Variants in OR4A5 observed in about 807,000 individuals in gnomAD.
OR4A5 encodes olfactory receptor family 4 subfamily A member 5.
For synonymous variants in OR4A5, 245 were observed against 138.5 expected (o/e 1.77, Z -5.40); for missense variants, 684 against 381.6 (o/e 1.79, Z -6.60).
In OR4A5 at chr11:54,707,211, G is replaced by A. The variant is rs756183026; in HGVS notation, c.327G>A (p.Glu109=). 3 of 1,613,646 alleles carry A rather than the reference G, an allele frequency of 1.9e-6. No homozygotes were observed. The highest frequency in any genetic ancestry group is 1.7e-5 in the Admixed American group (1 of 59,908). ...LFIDHFFGGA[E]VFLLVVMACD... is the part of the protein sequence containing the mutation. ...TAGACCATTTCTTTGGTGGGGCTGA[G>A]GTCTTCCTTCTGGTGGTGATGGCCT... Residue 109 remains glutamate, a synonymous_variant, in exon 1 of 1, where the codon GAG becomes GAA. Coordinates refer to ENST00000319760, the MANE Select transcript of OR4A5 (RefSeq NM_001005272.3).
In OR4A5 at chr11:54,707,669, T is replaced by C. The variant is rs1854063579; in HGVS notation, c.785T>C (p.Phe262Ser). 9.3e-6 allele frequency: 15 copies of C among 1,611,964 alleles called. No individual in the cohort carries two copies. The highest frequency in any genetic ancestry group is 1.3e-5 in the Non-Finnish European group (15 of 1,178,864). The change falls in exon 1 of 1, where the codon TTT becomes TCT. Residue 262 changes from phenylalanine to serine, a missense_variant. Physicochemically the swap from Phe to Ser is radical, Grantham distance 155. Transcript: ENST00000319760. ...ATATATGTTAGACCTGTTTCAAACTTTCCTACTGATAAGTTCATGACTGTG... is the reference window on the plus strand; with the variant it reads ...ATATATGTTAGACCTGTTTCAAACTCTCCTACTGATAAGTTCATGACTGTG... ...IFIYVRPVSN[F>S]PTDKFMTVFY... is the part of the protein sequence containing the mutation.
chr11:54,707,349 G>A lies in OR4A5; in HGVS notation c.465G>A (p.Ala155=), dbSNP rs140587389. 1.6e-4 allele frequency: 251 copies of A among 1,613,620 alleles called. No homozygotes were observed. Among genetic ancestry groups the A allele is most frequent in the East Asian group, 9.2e-4 (41 of 44,744 alleles). ...TGATTGGAGGTTTTGTACATTCTGC[G>A]TTTCAAATTGTTGTGTACAGTCTCC... ...VAMIGGFVHS[A]FQIVVYSLPF... Residue 155 remains alanine, a synonymous_variant, in exon 1 of 1, where the codon GCG becomes GCA. Transcript: ENST00000319760.
chr11:54,707,169 C>T lies in OR4A5; in HGVS notation c.285C>T (p.Cys95=), dbSNP rs745531239. ...CDKKTISFQG[C]MGQLFIDHFF... is the part of the protein sequence containing the mutation. Reference sequence around the variant, plus strand: ...AAAAGACTATTTCCTTCCAAGGTTGCATGGGCCAGCTATTTATAGACCATT... The same window carrying T: ...AAAAGACTATTTCCTTCCAAGGTTGTATGGGCCAGCTATTTATAGACCATT... The change falls in exon 1 of 1, where the codon TGC becomes TGT. Residue 95 remains cysteine, a synonymous_variant. Coordinates refer to ENST00000319760, the MANE Select transcript of OR4A5 (RefSeq NM_001005272.3). The T allele has an allele frequency of 1.5e-5, 25 of 1,613,634 alleles. No homozygotes were observed. The South Asian group carries it at 2.7e-4, about 18-fold the overall frequency.
chr11:54,707,127 A>C lies in OR4A5; in HGVS notation c.243A>C (p.Val81=), dbSNP rs139079450. 1 of 1,613,584 alleles carries C rather than the reference A, an allele frequency of 6.2e-7. No homozygotes were observed. Among genetic ancestry groups the C allele is most frequent in the African/African-American group, 1.3e-5 (1 of 74,892 alleles). The part of the protein sequence containing the change: ...YSTTISPKLI[V]GLFCDKKTIS... ...CTACCATTTCTCCCAAGTTAATTGTAGGCTTATTCTGTGATAAAAAGACTA... is the reference window on the plus strand; with the variant it reads ...CTACCATTTCTCCCAAGTTAATTGTCGGCTTATTCTGTGATAAAAAGACTA... Residue 81 remains valine, a synonymous_variant, in exon 1 of 1, where the codon GTA becomes GTC. Transcript: ENST00000319760.
Position 54,707,361 on chromosome 11 carries a change from T to C in OR4A5, c.477T>C (p.Val159=), listed in dbSNP as rs752780280. ...TTGTACATTCTGCGTTTCAAATTGT[T>C]GTGTACAGTCTCCCTTTCTGTGGTC... ...GGFVHSAFQI[V]VYSLPFCGPN... The change falls in exon 1 of 1, where the codon GTT becomes GTC. Residue 159 remains valine (V), a synonymous_variant. Transcript: ENST00000319760. The C allele has an allele frequency of 6.2e-7, 1 of 1,613,698 alleles. No individual in the cohort carries two copies. The highest frequency in any genetic ancestry group is 8.5e-7 in the Non-Finnish European group (1 of 1,179,882).
Position 54,706,836 on chromosome 11 carries a change from C to T in OR4A5, c.-49C>T, listed in dbSNP as rs1414542192. 1.7e-6 allele frequency: 2 copies of T among 1,184,824 alleles called. No homozygotes were observed. The highest frequency in any genetic ancestry group is 1.5e-5 in the African/African-American group (1 of 64,858). 73.4% of individuals were successfully genotyped at this position (1,184,824 alleles called of 1,614,324 possible). A position where few individuals can be genotyped will look rare whatever the true frequency, so the allele number is the denominator to read the frequency against. ...TCCTGATCACTATTTCGTTACAGGC[C>T]CTGTTTCCCTGAGCTCTCACCTCTG... is the stretch of plus-strand genomic sequence containing the variant. On this transcript the variant is annotated 5_prime_UTR_variant, in exon 1 of 1. Coordinates refer to ENST00000319760, the MANE Select transcript of OR4A5 (RefSeq NM_001005272.3).
Position 54,707,590 on chromosome 11 carries a change from A to G in OR4A5, c.706A>G (p.Thr236Ala). 1.2e-6 allele frequency: 2 copies of G among 1,613,324 alleles called. No individual in the cohort carries two copies. The highest frequency in any genetic ancestry group is 8.5e-7 in the Non-Finnish European group (1 of 1,179,612). ...SQEKRGKALSTCSSGSTVVVL... is the reference protein window; with the variant it reads ...SQEKRGKALSACSSGSTVVVL... ...GGAAAAGAGGGGTAAAGCCTTGTCT[A>G]CCTGCAGCTCCGGCAGTACCGTTGT... Residue 236 changes from threonine (T) to alanine (A), a missense_variant, in exon 1 of 1, where the codon ACC becomes GCC. By Grantham distance (58) the Thr-to-Ala change is moderately conservative. Transcript: ENST00000319760.
At position 54,707,052 on chromosome 11, in the gene OR4A5, A is replaced by G. The variant is rs374547245; in HGVS notation, c.168A>G (p.Pro56=). ...DIIASPSLGS[P]MYFFLACLSF... ...TTGCCAGCCCTTCCTTGGGTTCCCC[A>G]ATGTATTTCTTCCTTGCCTGCCTGT... is the stretch of plus-strand genomic sequence containing the variant. The change falls in exon 1 of 1, where the codon CCA becomes CCG. Residue 56 remains proline, a synonymous_variant. Coordinates refer to ENST00000319760, the MANE Select transcript of OR4A5 (RefSeq NM_001005272.3). 3.5e-5 allele frequency: 57 copies of G among 1,613,552 alleles called. No homozygotes were observed. Among genetic ancestry groups the G allele is most frequent in the East Asian group, 6.7e-5 (3 of 44,766 alleles).
chr11:54,707,171 T>A lies in OR4A5; in HGVS notation c.287T>A (p.Met96Lys), dbSNP rs753245822. Residue 96 changes from methionine (M) to lysine (K), a missense_variant, in exon 1 of 1, where the codon ATG (methionine) becomes AAG (lysine). Met to Lys is a moderately conservative substitution (Grantham distance 95). Transcript: ENST00000319760. ...AAGACTATTTCCTTCCAAGGTTGCA[T>A]GGGCCAGCTATTTATAGACCATTTC... ...DKKTISFQGC[M>K]GQLFIDHFFG... 6.8e-6 allele frequency: 11 copies of A among 1,613,672 alleles called. No individual in the cohort carries two copies. Among genetic ancestry groups the A allele is most frequent in the Middle Eastern group, 1.6e-4 (1 of 6,082 alleles).
At position 54,707,656 on chromosome 11, in the gene OR4A5, C is replaced by A. The variant is rs537220653; in HGVS notation, c.772C>A (p.Pro258Thr). The A allele has an allele frequency of 1.2e-5, 20 of 1,612,106 alleles. No homozygotes were observed. The highest frequency in any genetic ancestry group is 1.4e-5 in the Non-Finnish European group (17 of 1,179,198). ...FVPCIFIYVR[P>T]VSNFPTDKFM... ...ACCCTGTATTTTCATATATGTTAGA[C>A]CTGTTTCAAACTTTCCTACTGATAA... The change falls in exon 1 of 1, where the codon CCT becomes ACT. Residue 258 changes from proline (P) to threonine (T), a missense_variant. Transcript: ENST00000319760.
rs183275782 is a variant in OR4A5 at position 54,707,291 on chromosome 11, G to A, written c.407G>A (p.Arg136Gln). The A allele has an allele frequency of 1.1e-4, 184 of 1,613,670 alleles. No individual in the cohort carries two copies. In the East Asian group the frequency reaches 1.5e-3, roughly 14 times the overall value. Residue 136 changes from arginine (R) to glutamine (Q), a missense_variant, in exon 1 of 1, where the codon CGA (arginine) becomes CAA (glutamine). Arg to Gln is a conservative substitution (Grantham distance 43). Coordinates refer to ENST00000319760, the MANE Select transcript of OR4A5 (RefSeq NM_001005272.3). ...KPLHYLTIMN[R>Q]QVCFLLLVVA... ...CTGCACTATTTGACCATCATGAATCGACAGGTTTGCTTCCTTCTGTTGGTG... is the reference window on the plus strand; with the variant it reads ...CTGCACTATTTGACCATCATGAATCAACAGGTTTGCTTCCTTCTGTTGGTG...
At position 54,707,383 on chromosome 11, in the gene OR4A5, G is replaced by C. The variant is rs760137860; in HGVS notation, c.499G>C (p.Gly167Arg). 1 of 1,613,388 alleles carries C rather than the reference G, an allele frequency of 6.2e-7. No homozygotes were observed. Among genetic ancestry groups the C allele is most frequent in the Non-Finnish European group, 8.5e-7 (1 of 1,179,856 alleles). The change falls in exon 1 of 1, where the codon GGT becomes CGT. Residue 167 changes from glycine to arginine, a missense_variant. Coordinates refer to ENST00000319760, the MANE Select transcript of OR4A5 (RefSeq NM_001005272.3). ...QIVVYSLPFC[G>R]PNVIVHFSCD... ...TGTTGTGTACAGTCTCCCTTTCTGTGGTCCCAATGTCATTGTTCATTTCAG... is the reference window on the plus strand; with the variant it reads ...TGTTGTGTACAGTCTCCCTTTCTGTCGTCCCAATGTCATTGTTCATTTCAG...
rs145927751 is a variant in OR4A5, at chr11:54,707,511, C to A, written c.627C>A (p.Asn209Lys). ...NSGAICMVIF[N>K]LLLISYGVIL... is the part of the protein sequence containing the mutation. ...GAGCAATCTGTATGGTCATTTTCAA[C>A]CTTCTGTTAATCTCCTATGGAGTCA... The change falls in exon 1 of 1, where the codon AAC becomes AAA. Residue 209 changes from asparagine to lysine, a missense_variant. Coordinates refer to ENST00000319760, the MANE Select transcript of OR4A5 (RefSeq NM_001005272.3). 6.2e-6 allele frequency: 10 copies of A among 1,613,578 alleles called. No individual in the cohort carries two copies. The highest frequency in any genetic ancestry group is 2.2e-5 in the South Asian group (2 of 91,086).
At position 54,707,502 on chromosome 11, in the gene OR4A5, C is replaced by T. The variant is rs775691996; in HGVS notation, c.618C>T (p.Val206=). The T allele has an allele frequency of 8.1e-6, 13 of 1,613,626 alleles. No homozygotes were observed. In the Admixed American group the frequency reaches 1.2e-4, roughly 15 times the overall value. ...VVVNSGAICM[V]IFNLLLISYG... is the part of the protein sequence containing the mutation. Reference sequence around the variant, plus strand: ...TCAATAGTGGAGCAATCTGTATGGTCATTTTCAACCTTCTGTTAATCTCCT... The same window carrying T: ...TCAATAGTGGAGCAATCTGTATGGTTATTTTCAACCTTCTGTTAATCTCCT... The change falls in exon 1 of 1, where the codon GTC becomes GTT. Residue 206 remains valine (V), a synonymous_variant. Transcript: ENST00000319760.
rs544011058 is a variant in OR4A5 at position 54,707,201 on chromosome 11, G to C, written c.317G>C (p.Gly106Ala). The change falls in exon 1 of 1, where the codon GGT becomes GCT. Residue 106 changes from glycine to alanine, a missense_variant. By Grantham distance (60) the Gly-to-Ala change is moderately conservative (BLOSUM62 0). Coordinates refer to ENST00000319760, the MANE Select transcript of OR4A5 (RefSeq NM_001005272.3). The part of the protein sequence containing the change: ...MGQLFIDHFF[G>A]GAEVFLLVVM... ...CAGCTATTTATAGACCATTTCTTTG[G>C]TGGGGCTGAGGTCTTCCTTCTGGTG... is the stretch of plus-strand genomic sequence containing the variant. The C allele has an allele frequency of 6.2e-7, 1 of 1,613,608 alleles. No homozygotes were observed. The highest frequency in any genetic ancestry group is 8.5e-7 in the Non-Finnish European group (1 of 1,179,882).
rs371062944 is a variant in OR4A5, at chr11:54,707,293, C to G, written c.409C>G (p.Gln137Glu). Residue 137 changes from glutamine (Q) to glutamate (E), a missense_variant, in exon 1 of 1, where the codon CAG becomes GAG. Transcript: ENST00000319760. ...PLHYLTIMNR[Q>E]VCFLLLVVAM... Reference sequence around the variant, plus strand: ...GCACTATTTGACCATCATGAATCGACAGGTTTGCTTCCTTCTGTTGGTGGT... The same window carrying G: ...GCACTATTTGACCATCATGAATCGAGAGGTTTGCTTCCTTCTGTTGGTGGT... 6.2e-7 allele frequency: 1 copy of G among 1,613,748 alleles called. No homozygotes were observed. The highest frequency in any genetic ancestry group is 1.1e-5 in the South Asian group (1 of 91,072).
In OR4A5 at chr11:54,707,718, G is replaced by A. The variant is rs1270406133; in HGVS notation, c.834G>A (p.Met278Ile). 2 of 1,601,274 alleles carry A rather than the reference G, an allele frequency of 1.2e-6. No homozygotes were observed. The highest frequency in any genetic ancestry group is 1.7e-6 in the Non-Finnish European group (2 of 1,169,332). ...TGTTTTATACCATTATCACACACAT[G>A]CTGAGTCCTTTAATATATACGTTGA... The part of the protein sequence containing the change: ...MTVFYTIITH[M>I]LSPLIYTLRN... Residue 278 changes from methionine to isoleucine, a missense_variant, in exon 1 of 1, where the codon ATG becomes ATA. Transcript: ENST00000319760.
In OR4A5 at chr11:54,707,560, A is replaced by C; in HGVS notation, c.676A>C (p.Ser226Arg). Residue 226 changes from serine to arginine, a missense_variant, in exon 1 of 1, where the codon AGT becomes CGT. Ser to Arg is a moderately radical substitution (Grantham distance 110, BLOSUM62 -1). Coordinates refer to ENST00000319760, the MANE Select transcript of OR4A5 (RefSeq NM_001005272.3). ...CATCCTAAGCTCCCTTAAAACTTACAGTCAGGAAAAGAGGGGTAAAGCCTT... is the reference window on the plus strand; with the variant it reads ...CATCCTAAGCTCCCTTAAAACTTACCGTCAGGAAAAGAGGGGTAAAGCCTT... ...GVILSSLKTY[S>R]QEKRGKALST... 1.2e-6 allele frequency: 2 copies of C among 1,613,618 alleles called. No individual in the cohort carries two copies. The highest frequency in any genetic ancestry group is 1.7e-6 in the Non-Finnish European group (2 of 1,179,822).
Position 54,707,470 on chromosome 11 carries a change from G to C in OR4A5, c.586G>C (p.Val196Leu), listed in dbSNP as rs746255832. The change falls in exon 1 of 1, where the codon GTT becomes CTT. Residue 196 changes from valine (V) to leucine (L), a missense_variant. Physicochemically the swap from Val to Leu is conservative, Grantham distance 32 (BLOSUM62 1). Coordinates refer to ENST00000319760, the MANE Select transcript of OR4A5 (RefSeq NM_001005272.3). ...CTDTYFIGLT[V>L]VVNSGAICMV... Reference sequence around the variant, plus strand: ...TGACACCTACTTTATAGGCCTCACTGTTGTTGTCAATAGTGGAGCAATCTG... The same window carrying C: ...TGACACCTACTTTATAGGCCTCACTCTTGTTGTCAATAGTGGAGCAATCTG... The C allele has an allele frequency of 6.2e-7, 1 of 1,613,082 alleles. No homozygotes were observed. The highest frequency in any genetic ancestry group is 8.5e-7 in the Non-Finnish European group (1 of 1,179,438).
Sources: allele counts gnomAD v4.1 joint callset, GRCh38; gene constraint gnomAD v4.1.1; transcripts MANE v1.5; gene names NCBI Gene and HGNC (gene_info 2026-07-23, HGNC 2026-07-21).